Variants in IL12RB1 observed in about 807,000 individuals in gnomAD.
The protein encoded by IL12RB1 is interleukin 12 receptor subunit beta 1, also known as interleukin-12 receptor subunit beta-1.
Under a neutral mutation model 94.4 loss-of-function variants are expected in IL12RB1, and 64 were observed. The observed-to-expected ratio is 0.68, with a 90% CI of 0.55 to 0.83. The LOEUF is 0.83. Ranked by LOEUF, IL12RB1 falls within the 40% of genes least tolerant of loss-of-function variation. The pLI, the probability that IL12RB1 is intolerant of heterozygous loss-of-function variation, is 0.00. For missense variants in IL12RB1, 814 were observed against 855.6 expected (o/e 0.95, Z 0.61); for synonymous variants, 362 against 355.5 (o/e 1.02, Z -0.21).
intron 12 of IL12RB1, among the ~76,000 whole-genome samples, chr19:18,065,024 A>G (rs537255717): frequency 2.0e-5 from 3 of 152,028 alleles, no homozygotes. Flanking sequence ...TTCTGCATAA[A>G]CCGCCCCTTC....
intron 8 of IL12RB1, among the ~76,000 whole-genome samples, chr19:18,072,722 T>C (rs1430774295): frequency 1.3e-5 from 2 of 151,494 alleles, no homozygotes; most frequent in African/African-American, 2.4e-5. Flanking sequence ...CCGAGACGGG[T>C]AGATCATGAG....
chr19:18,078,226 C>T (rs1319515866), intron 4 of IL12RB1, among the ~76,000 whole-genome samples: 3 of 152,008 alleles, frequency 2.0e-5, no homozygotes, highest in East Asian at 1.9e-4. Flanking sequence ...CTGGCCAACA[C>T]GGTGAAACAC....
chr19:18,068,748 TTC>T (rs2034787001), intron 10 of IL12RB1, among the ~76,000 whole-genome samples: 1 of 134,386 alleles, frequency 7.4e-6, no homozygotes, highest in African/African-American at 2.7e-5. Flanking sequence ...GAACCAGGGC[TTC>T]TTTTTTTTTT....
At chr19:18,061,229 TGA>T in intron 14 of IL12RB1, 32 bp from the exon 15 acceptor site, 1 of 1,149,966 alleles carries the variant, frequency 8.7e-7, no homozygotes, top group Non-Finnish European at 1.2e-6. Context: ...TGAGAGGAGC[TGA>T]GGTTTTTTTT....
At chr19:18,065,266 T>G (rs909609579) in intron 12 of IL12RB1, among the ~76,000 whole-genome samples, 2 of 152,052 alleles carry the variant, frequency 1.3e-5, no homozygotes, top group African/African-American at 2.4e-5. Flanking sequence ...AGATCCCCCC[T>G]CCAGGCCTTA....
chr19:18,063,601 G>C (rs1364387681), intron 13 of IL12RB1, among the ~76,000 whole-genome samples: 1 of 152,198 alleles, frequency 6.6e-6, no homozygotes, highest in Non-Finnish European at 1.5e-5. Flanking sequence ...GGGAACTTTT[G>C]AGCTGAGTTT....
At chr19:18,075,314 G>A (rs1024919670) in intron 7 of IL12RB1, among the ~76,000 whole-genome samples, 11 of 148,086 alleles carry the variant, frequency 7.4e-5, no homozygotes, top group Non-Finnish European at 1.5e-4. Context: ...AGGCTGGAGT[G>A]CAGTGGTGTG....
At chr19:18,076,123 C>G (rs17879704) in intron 6 of IL12RB1, among the ~76,000 whole-genome samples, 174 bp downstream of exon 6, 272 of 152,218 alleles carry the variant, frequency 1.8e-3, no homozygotes, top group African/African-American at 6.1e-3. Flanking sequence ...CTTCTCACCC[C>G]CTCCAAGTCG....
chr19:18,067,536 G>A (rs2034680542), intron 11 of IL12RB1, among the ~76,000 whole-genome samples: 1 of 152,046 alleles, frequency 6.6e-6, no homozygotes, highest in Admixed American at 6.6e-5. Context: ...GGGCGCAGTG[G>A]CTCACACCTG....
intron 1 of IL12RB1, among the ~76,000 whole-genome samples, chr19:18,086,526 A>C (rs1481385910): frequency 6.6e-6 from 1 of 152,084 alleles, no homozygotes; most frequent in East Asian, 1.9e-4. Context: ...TTCTCATTGA[A>C]CTCCGGGAGG....
upstream of IL12RB1, among the ~76,000 whole-genome samples, chr19:18,088,028 A>G (rs1480294085): frequency 2.6e-5 from 4 of 152,004 alleles, no homozygotes; most frequent in Non-Finnish European, 4.4e-5. Flanking sequence ...TCGAGGTGGG[A>G]GGATCACTTG....
chr19:18,072,583 A>C (rs1406123911), intron 8 of IL12RB1, among the ~76,000 whole-genome samples: 3 of 152,134 alleles, frequency 2.0e-5, no homozygotes, highest in African/African-American at 7.2e-5. Context: ...AAACCCACTG[A>C]CATTCAGGAA....
chr19:18,083,918 TCCATCCATCCATCCACCTCA>T (rs2036108223), intron 1 of IL12RB1, among the ~76,000 whole-genome samples: 1 of 149,260 alleles, frequency 6.7e-6, no homozygotes. Flanking sequence ...CACCCATCTA[TCCATCCATCCATCCACCTCA>T]CCATCCACCC....
At chr19:18,093,062 T>C (rs1453354432) in intron 1 of IL12RB1, among the ~76,000 whole-genome samples, 1 of 151,752 alleles carries the variant, frequency 6.6e-6, no homozygotes, top group Non-Finnish European at 1.5e-5. Flanking sequence ...CCTAGCACTT[T>C]GGGAGGCTGA....
In IL12RB1 at chr19:18,080,974, G is replaced by A. The variant is rs375546243; in HGVS notation, c.267C>T (p.Phe89=). The part of the protein sequence containing the change: ...CCLSSGRCCY[F]AAGSATRLQF... ...GCAGCCTGGTGGCTGAGCCGGCGGCGAAGTAGCAGCAGCGCCCGGAGCTAA... is the reference window on the plus strand; with the variant it reads ...GCAGCCTGGTGGCTGAGCCGGCGGCAAAGTAGCAGCAGCGCCCGGAGCTAA... Residue 89 remains phenylalanine (F), a synonymous_variant, in exon 4 of 17, where the codon TTC becomes TTT. Transcript: ENST00000593993. 42 of 1,613,230 alleles carry A rather than the reference G, an allele frequency of 2.6e-5. No homozygotes were observed. In the Admixed American group the frequency reaches 3.7e-4, roughly 14 times the overall value.
chr19:18,072,880 G>A (rs987059051), intron 8 of IL12RB1, among the ~76,000 whole-genome samples: 4 of 149,594 alleles, frequency 2.7e-5, no homozygotes, highest in Non-Finnish European at 5.9e-5. Context: ...CCGGGAGGCG[G>A]AGCTTGTAGT....
chr19:18,098,206 A>G (rs2037168061), intron 1 of IL12RB1, among the ~76,000 whole-genome samples: 1 of 152,076 alleles, frequency 6.6e-6, no homozygotes, highest in African/African-American at 2.4e-5. Flanking sequence ...ATGAGTTCAT[A>G]TGTATTAATA....
Position 18,069,583 on chromosome 19 carries a change from G to C in IL12RB1, c.1152C>G (p.Ser384Arg). Residue 384 changes from serine to arginine, a missense_variant, in exon 10 of 17, where the codon AGC (serine) becomes AGG (arginine). By Grantham distance (110) the Ser-to-Arg change is moderately radical. Transcript: ENST00000593993. ...GATCCGGGTCTTGCGGCGCAGTCAGGCTGCAGGTGGCAAGGCCCCCGTCCT... is the reference window on the plus strand; with the variant it reads ...GATCCGGGTCTTGCGGCGCAGTCAGCCTGCAGGTGGCAAGGCCCCCGTCCT... ...VGQDGGLATC[S>R]LTAPQDPDPA... The C allele has an allele frequency of 6.2e-7, 1 of 1,611,934 alleles. No individual in the cohort carries two copies. The highest frequency in any genetic ancestry group is 8.5e-7 in the Non-Finnish European group (1 of 1,179,844).
At chr19:18,086,737 C>G (rs1362577156) in intron 1 of IL12RB1, 23 bp downstream of exon 1, 2 of 1,600,704 alleles carry the variant, frequency 1.2e-6, no homozygotes, top group Admixed American at 3.4e-5. Flanking sequence ...GAGGAGCCGC[C>G]ATGCCAGGGT....
Sources: gnomAD v4.1 joint callset for allele counts (sites outside exome capture counted in the v4.1 genomes callset) on GRCh38, gnomAD v4.1.1 for gene constraint, MANE v1.5 for transcripts, NCBI Gene and HGNC (gene_info 2026-07-23, HGNC 2026-07-21) for gene names.